CILP2: variants seen among roughly 807,000 people sequenced by gnomAD.
CILP2 encodes the protein cartilage intermediate layer protein 2.
A neutral mutation model predicts 45.6 loss-of-function variants in CILP2; 38 were observed. The observed-to-expected ratio is 0.83, with a 90% CI of 0.64 to 1.09. CILP2 has a LOEUF of 1.09. Among genes scored for constraint, CILP2 ranks in the 50% least tolerant of loss-of-function variants. The pLI is 0.00. For missense variants in CILP2, 1,735 were observed against 1,662.2 expected (o/e 1.04, Z -0.76); for synonymous variants, 780 against 723.5 (o/e 1.08, Z -1.25).
intron 2 of CILP2, among the ~76,000 whole-genome samples, 183 bp downstream of exon 2, chr19:19,539,960 TCAGA>T (rs949644141): frequency 3.9e-5 from 6 of 152,114 alleles, no homozygotes; most frequent in Non-Finnish European, 5.9e-5. Flanking sequence ...GAGAGGCCGG[TCAGA>T]CAGAGGCAAG....
chr19:19,542,716 A>AAAAG (rs10664406), intron 5 of CILP2, 66 bp downstream of exon 5: 1 of 1,597,692 alleles, frequency 6.3e-7, no homozygotes. Context: ...CTAGCACTCG[A>AAAAG]TCAAGAGAGG....
rs1415508336 is a variant in CILP2, at chr19:19,541,118, G to A, written c.464G>A (p.Trp155Ter). ...LEASWGAWGP[W>*]GPCSGSCGPG... is the part of the protein sequence containing the mutation. The stretch of plus-strand genomic sequence containing the variant: ...GCCTCGTGGGGCGCGTGGGGCCCGT[G>A]GGGTCCCTGCTCGGGGAGCTGTGGG... The change falls in exon 4 of 8, where the codon TGG (tryptophan) becomes TAG (stop). Residue 155 changes from tryptophan to a stop codon, truncating the protein, a stop_gained. Coordinates refer to ENST00000291495, the MANE Select transcript of CILP2 (RefSeq NM_153221.2). LOFTEE classifies it high-confidence loss of function. 3 of 1,261,942 alleles carry A rather than the reference G, an allele frequency of 2.4e-6. No homozygotes were observed. The highest frequency in any genetic ancestry group is 3.0e-6 in the Non-Finnish European group (3 of 1,003,496). The allele number at this position is 1,261,942 out of a possible 1,614,324, so 78.2% of individuals were successfully genotyped here.
chr19:19,544,907 C>T lies in CILP2; in HGVS notation c.2362C>T (p.Pro788Ser), dbSNP rs751307868. The change falls in exon 8 of 8, where the codon CCC becomes TCC. Residue 788 changes from proline to serine, a missense_variant. Coordinates refer to ENST00000291495, the MANE Select transcript of CILP2 (RefSeq NM_153221.2). ...CCGCTTTGACAGCGCGGTCACCGGCCCCAATGGCGCCTGCCTCCCCGCCTT... is the reference window on the plus strand; with the variant it reads ...CCGCTTTGACAGCGCGGTCACCGGCTCCAATGGCGCCTGCCTCCCCGCCTT... ...WGRFDSAVTGPNGACLPAFCD... is the reference protein window; with the variant it reads ...WGRFDSAVTGSNGACLPAFCD... 2 of 1,589,254 alleles carry T rather than the reference C, an allele frequency of 1.3e-6. No individual in the cohort carries two copies. Among genetic ancestry groups the T allele is most frequent in the South Asian group, 2.2e-5 (2 of 89,948 alleles).
chr19:19,542,426 T>G lies in CILP2; in HGVS notation c.644T>G (p.Val215Gly). The G allele has an allele frequency of 6.2e-7, 1 of 1,612,244 alleles. No homozygotes were observed. Among genetic ancestry groups the G allele is most frequent in the East Asian group, 2.2e-5 (1 of 44,870 alleles). The change falls in exon 5 of 8, where the codon GTG becomes GGG. Residue 215 changes from valine to glycine, a missense_variant. By Grantham distance (109) the Val-to-Gly change is moderately radical (BLOSUM62 -3). Coordinates refer to ENST00000291495, the MANE Select transcript of CILP2 (RefSeq NM_153221.2). ...ECPDHILLGS[V>G]VTPSGQPLLG... ...CCGGACCACATCCTCCTGGGCTCGGTGGTCACCCCATCTGGGCAACCACTG... is the reference window on the plus strand; with the variant it reads ...CCGGACCACATCCTCCTGGGCTCGGGGGTCACCCCATCTGGGCAACCACTG...
chr19:19,540,515 T>C, intron 3 of CILP2, 39 bp downstream of exon 3: 2 of 417,642 alleles, frequency 4.8e-6, no homozygotes, highest in East Asian at 1.7e-4. Flanking sequence ...GGGCTTTGAA[T>C]GGGCGGGGCT....
rs773763304 is a variant in CILP2, at chr19:19,544,578, C to T, written c.2033C>T (p.Ala678Val). ...SQIHMPGHVE[A>V]LKLWSLNPET... ...ATCCACATGCCAGGCCACGTGGAGGCCCTCAAGCTGTGGTCGCTGAACCCC... is the reference window on the plus strand; with the variant it reads ...ATCCACATGCCAGGCCACGTGGAGGTCCTCAAGCTGTGGTCGCTGAACCCC... The change falls in exon 8 of 8, where the codon GCC (alanine) becomes GTC (valine). Residue 678 changes from alanine to valine, a missense_variant. Transcript: ENST00000291495. 2.5e-6 allele frequency: 4 copies of T among 1,576,396 alleles called. No individual in the cohort carries two copies. The African/African-American group carries it at 5.4e-5, about 21-fold the overall frequency.
intron 3 of CILP2, 151 bp downstream of exon 3, chr19:19,540,627 C>G: frequency 3.3e-6 from 3 of 909,504 alleles, no homozygotes; most frequent in South Asian, 2.4e-5. Context: ...AGGCGTAGGA[C>G]GACGTCAGGG....
chr19:19,544,776 A>G lies in CILP2; in HGVS notation c.2231A>G (p.Tyr744Cys). The G allele has an allele frequency of 6.2e-7, 1 of 1,606,770 alleles. No homozygotes were observed. The highest frequency in any genetic ancestry group is 8.5e-7 in the Non-Finnish European group (1 of 1,179,586). Residue 744 changes from tyrosine to cysteine, a missense_variant, in exon 8 of 8, where the codon TAC becomes TGC. Coordinates refer to ENST00000291495, the MANE Select transcript of CILP2 (RefSeq NM_153221.2). ...RRRCFVKVRAYANDKFTPSEQ... is the reference protein window; with the variant it reads ...RRRCFVKVRACANDKFTPSEQ... ...CGCTGCTTCGTGAAGGTGCGCGCCT[A>G]CGCCAACGACAAGTTCACCCCCAGC...
intron 5 of CILP2, 79 bp downstream of exon 5, chr19:19,542,729 G>C: frequency 6.3e-7 from 1 of 1,593,394 alleles, no homozygotes; most frequent in South Asian, 1.1e-5. Context: ...AAGAGAGGAA[G>C]AAATGAGATG....
rs1486237441 is a variant in CILP2, at chr19:19,545,527, G to A, written c.2982G>A (p.Lys994=). 3 of 1,612,650 alleles carry A rather than the reference G, an allele frequency of 1.9e-6. No individual in the cohort carries two copies. Among genetic ancestry groups the A allele is most frequent in the South Asian group, 2.2e-5 (2 of 91,064 alleles). Residue 994 remains lysine (K), a synonymous_variant, in exon 8 of 8, where the codon AAG becomes AAA. Transcript: ENST00000291495. ...CCTCGGCAGCCTGCGTGGAGTTCAAGTGCAGCGGGATGCTGTTCGACCAGC... is the reference window on the plus strand; with the variant it reads ...CCTCGGCAGCCTGCGTGGAGTTCAAATGCAGCGGGATGCTGTTCGACCAGC... ...PGTSAACVEF[K]CSGMLFDQRQ... is the part of the protein sequence containing the mutation.
Position 19,545,969 on chromosome 19 carries a change from C to A in CILP2, c.3424C>A (p.Arg1142=), listed in dbSNP as rs577556072. 2 of 1,537,166 alleles carry A rather than the reference C, an allele frequency of 1.3e-6. No homozygotes were observed. Residue 1142 remains arginine (R), a synonymous_variant, in exon 8 of 8, where the codon CGG becomes AGG. Transcript: ENST00000291495. ...GAGCGAGGCGGCGCAGGCACAGGCC[C>A]GGGCCTCAGGTCCCCTCCGCACCCG... is the stretch of plus-strand genomic sequence containing the variant. The part of the protein sequence containing the change: ...EMSEAAQAQA[R]ASGPLRTRRG...
At position 19,543,978 on chromosome 19, in the gene CILP2, G is replaced by A. The variant is rs746672172; in HGVS notation, c.1433G>A (p.Arg478His). ...CLPPRGLVRG[R>H]VVAADSGEPL... ...CCCCCTCGGGGGCTGGTCCGGGGCC[G>A]TGTTGTGGCTGCTGACTCCGGGGAG... The change falls in exon 8 of 8, where the codon CGT becomes CAT. Residue 478 changes from arginine to histidine, a missense_variant. Arg to His is a conservative substitution (Grantham distance 29). Coordinates refer to ENST00000291495, the MANE Select transcript of CILP2 (RefSeq NM_153221.2). 4 of 1,613,474 alleles carry A rather than the reference G, an allele frequency of 2.5e-6. No individual in the cohort carries two copies. Among genetic ancestry groups the A allele is most frequent in the South Asian group, 1.1e-5 (1 of 91,084 alleles).
In CILP2 at chr19:19,543,475, A is replaced by G. The variant is rs1600377899; in HGVS notation, c.1135+70A>G. On this transcript the variant is annotated intron_variant, in intron 7 of 7. Transcript: ENST00000291495. ...GGAACCCGGACTGTAGCTAAGCTCAACCCCAAATGGAGCCCCCACTTCAGA... is the reference window on the plus strand; with the variant it reads ...GGAACCCGGACTGTAGCTAAGCTCAGCCCCAAATGGAGCCCCCACTTCAGA... 5 of 1,568,880 alleles carry G rather than the reference A, an allele frequency of 3.2e-6. No homozygotes were observed. The South Asian group carries it at 4.6e-5, about 14-fold the overall frequency.
In CILP2 at chr19:19,542,428, G is replaced by T. The variant is rs2061247839; in HGVS notation, c.646G>T (p.Val216Phe). ...GGACCACATCCTCCTGGGCTCGGTG[G>T]TCACCCCATCTGGGCAACCACTGCT... ...CPDHILLGSV[V>F]TPSGQPLLGA... The change falls in exon 5 of 8, where the codon GTC becomes TTC. Residue 216 changes from valine (V) to phenylalanine (F), a missense_variant. Coordinates refer to ENST00000291495, the MANE Select transcript of CILP2 (RefSeq NM_153221.2). 1 of 1,612,160 alleles carries T rather than the reference G, an allele frequency of 6.2e-7. No homozygotes were observed. Among genetic ancestry groups the T allele is most frequent in the South Asian group, 1.1e-5 (1 of 91,082 alleles).
At position 19,543,372 on chromosome 19, in the gene CILP2, G is replaced by C. The variant is rs368843344; in HGVS notation, c.1102G>C (p.Val368Leu). Residue 368 changes from valine (V) to leucine (L), a missense_variant, in exon 7 of 8, where the codon GTG (valine) becomes CTG (leucine). Transcript: ENST00000291495. ...CAAGGCATGGAATGAGGCGGGTGCC[G>C]TGCGCTCGGGCACTGCCCGGCTCAC... ...HCKAWNEAGAVRSGTARLTVL... is the reference protein window; with the variant it reads ...HCKAWNEAGALRSGTARLTVL... The C allele has an allele frequency of 3.1e-6, 5 of 1,613,348 alleles. No individual in the cohort carries two copies. In the South Asian group the frequency reaches 4.4e-5, roughly 14 times the overall value.
rs147079336 is a variant in CILP2, at chr19:19,539,795, G to C, written c.163+18G>C. 4.5e-6 allele frequency: 7 copies of C among 1,554,904 alleles called. No homozygotes were observed. The highest frequency in any genetic ancestry group is 6.1e-6 in the Non-Finnish European group (7 of 1,146,378). ...CTGGGAAGGTGAGTTAGCCTGCCTC[G>C]GAGTCCCGTCTCTGCTGCGGGCTTG... is the stretch of plus-strand genomic sequence containing the variant. On this transcript the variant is annotated intron_variant, in intron 2 of 7. Coordinates refer to ENST00000291495, the MANE Select transcript of CILP2 (RefSeq NM_153221.2).
At position 19,540,703 on chromosome 19, in the gene CILP2, C is replaced by T. The variant is rs1199359266; in HGVS notation, c.436+227C>T. The stretch of plus-strand genomic sequence containing the variant: ...GGGAACAGCGCGGGGCCCAAGTGCA[C>T]CGTCAGGAGGCCCAGCGGGTCAGGA... On this transcript the variant is annotated intron_variant, in intron 3 of 7. Coordinates refer to ENST00000291495, the MANE Select transcript of CILP2 (RefSeq NM_153221.2). 1.5e-5 allele frequency: 8 copies of T among 538,884 alleles called. 1 individual carries two copies. Among genetic ancestry groups the T allele is most frequent in the South Asian group, 1.0e-4 (3 of 29,396 alleles). 33.4% of individuals were successfully genotyped at this position (538,884 alleles called of 1,614,324 possible). A position where few individuals can be genotyped will look rare whatever the true frequency, so the allele number is the denominator to read the frequency against.
In CILP2 at chr19:19,544,924, C is replaced by T. The variant is rs372806682; in HGVS notation, c.2379C>T (p.Leu793=). 1.1e-3 allele frequency: 1,779 copies of T among 1,591,228 alleles called. 1 individual carries two copies. Among genetic ancestry groups the T allele is most frequent in the Non-Finnish European group, 1.4e-3 (1,675 of 1,176,286 alleles). The change falls in exon 8 of 8, where the codon CTC becomes CTT. Residue 793 remains leucine, a synonymous_variant. Coordinates refer to ENST00000291495, the MANE Select transcript of CILP2 (RefSeq NM_153221.2). ...TCACCGGCCCCAATGGCGCCTGCCT[C>T]CCCGCCTTCTGCGACGCCGACAGGC... The part of the protein sequence containing the change: ...SAVTGPNGAC[L]PAFCDADRPD...
chr19:19,541,983 T>C (rs1008800782), intron 4 of CILP2, among the ~76,000 whole-genome samples: 16 of 152,188 alleles, frequency 1.1e-4, no homozygotes, highest in African/African-American at 1.7e-4. Flanking sequence ...TTTTCCATTT[T>C]ATGGAGAAAC....
Sources: allele counts gnomAD v4.1 joint callset (sites outside exome capture counted in the v4.1 genomes callset), GRCh38; gene constraint gnomAD v4.1.1; transcripts MANE v1.5; gene names NCBI Gene and HGNC (gene_info 2026-07-23, HGNC 2026-07-21).